The following FCHO1 variants were observed in gnomAD, a reference collection of about 807,000 sequenced individuals.
FCHO1 encodes the protein FCH and mu domain containing endocytic adaptor 1.
A neutral mutation model predicts 114.4 loss-of-function variants in FCHO1; 45 were observed. The observed-to-expected ratio is 0.39, with a 90% CI of 0.31 to 0.50. The LOEUF (loss-of-function observed/expected upper bound fraction) is 0.50. FCHO1 is among the 20% of genes least tolerant of loss of function. FCHO1 has a pLI of 0.77. For synonymous variants in FCHO1, 480 were observed against 488.9 expected (o/e 0.98, Z 0.24); for missense variants, 1,042 against 1,209.6 (o/e 0.86, Z 2.06).
intron 5 of FCHO1, 88 bp from the exon 6 acceptor site, chr19:17,764,287 C>A: frequency 7.5e-7 from 1 of 1,341,426 alleles, no homozygotes; most frequent in African/African-American, 1.4e-5. Flanking sequence ...GTGATCCGTC[C>A]GCCTCGGCCT....
rs374930370 is a variant in FCHO1 at position 17,775,810 on chromosome 19, G to A, written c.1004-173G>A. 2.0e-5 allele frequency among the ~76,000 whole-genome samples: 3 copies of A among 152,122 alleles called. No individual in the cohort carries two copies. The highest frequency in any genetic ancestry group is 1.3e-4 in the Admixed American group (2 of 15,256). On this transcript the variant is annotated intron_variant, in intron 15 of 28. Transcript: ENST00000596536. The surrounding 1 kb of genome is among the most constrained non-coding windows in gnomAD (Gnocchi z 5.1). Reference sequence around the variant, plus strand: ...GCATGCTTGTGCAAAGGCTTCTCGGGGGGGGTGGGAGTGCTGGTGGGACAT... The same window carrying A: ...GCATGCTTGTGCAAAGGCTTCTCGGAGGGGGTGGGAGTGCTGGTGGGACAT...
rs749294013 is a variant in FCHO1, at chr19:17,774,277, C to A, written c.829C>A (p.Gln277Lys). The A allele has an allele frequency of 6.2e-7, 1 of 1,614,112 alleles. No individual in the cohort carries two copies. Among genetic ancestry groups the A allele is most frequent in the Non-Finnish European group, 8.5e-7 (1 of 1,180,020 alleles). The change falls in exon 12 of 29, where the codon CAG (glutamine) becomes AAG (lysine). Residue 277 changes from glutamine (Q) to lysine (K), a missense_variant. Coordinates refer to ENST00000596536, the MANE Select transcript of FCHO1 (RefSeq NM_015122.3). ...DFEAYSAAAL[Q>K]EAMKRLRGAK... ...CGAGGCATACAGTGCGGCTGCCCTG[C>A]AGGAAGGCAAGTACGTCTGGGCCTG...
intron 27 of FCHO1, among the ~76,000 whole-genome samples, 153 bp from the exon 28 acceptor site, chr19:17,787,529 C>T (rs942554377): frequency 3.3e-5 from 5 of 152,160 alleles, no homozygotes; most frequent in African/African-American, 1.2e-4. Flanking sequence ...CCAGTGATGC[C>T]AGGAGAGACA....
chr19:17,754,433 G>C (rs140396647), intron 2 of FCHO1, 72 bp downstream of exon 2: 2,049 of 152,826 alleles, frequency 0.013, 19 homozygotes, highest in Non-Finnish European at 0.022. Context: ...ATCACAGTGA[G>C]GAGTGAGCTC....
intron 11 of FCHO1, among the ~76,000 whole-genome samples, chr19:17,773,533 C>T (rs1026862503): frequency 3.9e-5 from 6 of 152,178 alleles, no homozygotes; most frequent in African/African-American, 1.2e-4. Flanking sequence ...TTTTGTCCTC[C>T]TCCTGCTCAC....
At chr19:17,757,225 A>AGAG (rs1216693233) in intron 4 of FCHO1, among the ~76,000 whole-genome samples, 1 of 151,518 alleles carries the variant, frequency 6.6e-6, no homozygotes, top group Non-Finnish European at 1.5e-5. Context: ...TGGCTGGCAC[A>AGAG]GAGGCCAAGT....
rs2092683398 is a variant in FCHO1 at position 17,776,758 on chromosome 19, G to C, written c.1259+72G>C. ...CCTCCACCTCCCCATGTCTCCGCCT[G>C]GTGTTCTCTTGTCCCGGCTGGGAGT... On this transcript the variant is annotated intron_variant, in intron 18 of 28. Transcript: ENST00000596536. This position sits in a 1 kb window ranked among gnomAD's most constrained non-coding sequence, Gnocchi z 4.4. 1 of 1,400,808 alleles carries C rather than the reference G, an allele frequency of 7.1e-7. No homozygotes were observed. The highest frequency in any genetic ancestry group is 1.0e-6 in the Non-Finnish European group (1 of 998,154). The allele number at this position is 1,400,808 out of a possible 1,614,324, so 86.8% of individuals were successfully genotyped here.
At chr19:17,756,330 C>T (rs1456991731) in intron 4 of FCHO1, among the ~76,000 whole-genome samples, 1 of 152,184 alleles carries the variant, frequency 6.6e-6, no homozygotes, top group Non-Finnish European at 1.5e-5. Context: ...TTAGTACTGC[C>T]GTGTAATGGA....
chr19:17,778,676 G>A lies in FCHO1; in HGVS notation c.1419G>A (p.Glu473=), dbSNP rs1160830619. 1.9e-6 allele frequency: 3 copies of A among 1,568,580 alleles called. No individual in the cohort carries two copies. The highest frequency in any genetic ancestry group is 2.6e-6 in the Non-Finnish European group (3 of 1,161,500). ...PFSSSSPENV[E]DSGLDSPSHA... The stretch of plus-strand genomic sequence containing the variant: ...CCTCCTCGTCGCCCGAAAACGTGGA[G>A]GATTCCGGCCTGGACTCTCCGTCCC... Residue 473 remains glutamate, a synonymous_variant, in exon 20 of 29, where the codon GAG becomes GAA. Coordinates refer to ENST00000596536, the MANE Select transcript of FCHO1 (RefSeq NM_015122.3).
chr19:17,766,531 G>A, intron 6 of FCHO1, 138 bp from the exon 7 acceptor site: 1 of 1,159,608 alleles, frequency 8.6e-7, no homozygotes, highest in South Asian at 1.5e-5. Context: ...TCTTACAGCT[G>A]CCATGGAGAT....
intron 6 of FCHO1, among the ~76,000 whole-genome samples, chr19:17,765,950 G>T (rs144967426): frequency 0.051 from 7,300 of 144,380 alleles, 240 homozygotes; most frequent in South Asian, 0.089. Flanking sequence ...GTGCAGTGGC[G>T]CGATCTTGGC....
At position 17,770,541 on chromosome 19, in the gene FCHO1, G is replaced by A. The variant is rs746554972; in HGVS notation, c.453G>A (p.Leu151=). Residue 151 remains leucine, a synonymous_variant, in exon 8 of 29, where the codon CTG becomes CTA. Transcript: ENST00000596536. ...YLNRCMDQER[L]RRESTSQKEM... is the part of the protein sequence containing the mutation. ...ACCGTTGCATGGACCAGGAGCGGCTGCGGAGGGAGAGTACCAGCCAGAAGG... is the reference window on the plus strand; with the variant it reads ...ACCGTTGCATGGACCAGGAGCGGCTACGGAGGGAGAGTACCAGCCAGAAGG... 2.5e-6 allele frequency: 4 copies of A among 1,613,500 alleles called. No homozygotes were observed. The highest frequency in any genetic ancestry group is 3.4e-6 in the Non-Finnish European group (4 of 1,179,638).
chr19:17,763,113 T>G (rs1456306499), intron 5 of FCHO1, among the ~76,000 whole-genome samples: 3 of 152,066 alleles, frequency 2.0e-5, no homozygotes, highest in Admixed American at 6.6e-5. Flanking sequence ...TTTTTTTTTT[T>G]GGAGACAAGA....
intron 4 of FCHO1, among the ~76,000 whole-genome samples, chr19:17,759,457 G>T (rs1437777993): frequency 1.3e-5 from 2 of 151,030 alleles, no homozygotes; most frequent in Non-Finnish European, 3.0e-5. Context: ...TCTTGACCTC[G>T]AGTGATTTGC....
rs189635578 is a variant in FCHO1 at position 17,779,515 on chromosome 19, G to T, written c.1627+631G>T. 2.2e-4 allele frequency among the ~76,000 whole-genome samples: 33 copies of T among 151,424 alleles called. No homozygotes were observed. The East Asian group carries it at 2.7e-3, about 13-fold the overall frequency. ...AGCAGGTGGAAAGGTCGCTGCAGGGGAGAGTTCGGAGGAGTAAGGATGGGG... is the reference window on the plus strand; with the variant it reads ...AGCAGGTGGAAAGGTCGCTGCAGGGTAGAGTTCGGAGGAGTAAGGATGGGG... On this transcript the variant is annotated intron_variant, in intron 20 of 28. Coordinates refer to ENST00000596536, the MANE Select transcript of FCHO1 (RefSeq NM_015122.3).
At chr19:17,761,625 T>C (rs1026973664) in intron 4 of FCHO1, among the ~76,000 whole-genome samples, 4 of 107,740 alleles carry the variant, frequency 3.7e-5, no homozygotes, top group African/African-American at 1.0e-4. Flanking sequence ...CTTCTTTTCA[T>C]GTATATACAT....
At chr19:17,766,633 C>T (rs1244191318) in intron 6 of FCHO1, 36 bp from the exon 7 acceptor site, 2 of 1,612,620 alleles carry the variant, frequency 1.2e-6, no homozygotes, top group African/African-American at 2.7e-5. Flanking sequence ...TGGGGTGAGC[C>T]TGATGAACCC....
chr19:17,784,577 T>C lies in FCHO1; in HGVS notation c.2227-148T>C. ...GCCCCCTGCTGGAAACCTGGTGTAA[T>C]ACAGCCTCTCATCCATCAAATCTCC... On this transcript the variant is annotated intron_variant, in intron 25 of 28. Coordinates refer to ENST00000596536, the MANE Select transcript of FCHO1 (RefSeq NM_015122.3). This position sits in a 1 kb window ranked among gnomAD's most constrained non-coding sequence, Gnocchi z 5.3. 2 of 797,158 alleles carry C rather than the reference T, an allele frequency of 2.5e-6. No homozygotes were observed. The highest frequency in any genetic ancestry group is 3.0e-5 in the South Asian group (2 of 66,328). The allele number at this position is 797,158 out of a possible 1,614,324, so 49.4% of individuals were successfully genotyped here. A position where few individuals can be genotyped will look rare whatever the true frequency, so the allele number is the denominator to read the frequency against.
In FCHO1 at chr19:17,784,121, C is replaced by T; in HGVS notation, c.2112C>T (p.Asp704=). The change falls in exon 25 of 29, where the codon GAC becomes GAT. Residue 704 remains aspartate (D), a synonymous_variant. Transcript: ENST00000596536. The surrounding 1 kb of genome is among the most constrained non-coding windows in gnomAD (Gnocchi z 5.3). The part of the protein sequence containing the change: ...DLLFSDPSQS[D]PETKDFWLNM... ...TCTGCAGTGACCCCTCCCAGAGTGA[C>T]CCTGAGACCAAAGACTTCTGGCTCA... 3 of 1,614,094 alleles carry T rather than the reference C, an allele frequency of 1.9e-6. No individual in the cohort carries two copies. The highest frequency in any genetic ancestry group is 1.3e-5 in the African/African-American group (1 of 75,038).
Sources: gnomAD v4.1 joint callset for allele counts (sites outside exome capture counted in the v4.1 genomes callset) on GRCh38, gnomAD v4.1.1 for gene constraint, Gnocchi (gnomAD v3.1) non-coding constraint, MANE v1.5 for transcripts, NCBI Gene and HGNC (gene_info 2026-07-23, HGNC 2026-07-21) for gene names.